STX18: variants seen among roughly 807,000 people sequenced by gnomAD.
The protein encoded by STX18 is syntaxin 18, also known as syntaxin-18.
STX18 carries 40 observed loss-of-function variants against 50.1 expected under a neutral mutation model. The observed-to-expected ratio is 0.80, with a 90% confidence interval of 0.62 to 1.04. The LOEUF is 1.04. Ranked by LOEUF, STX18 falls within the 50% of genes least tolerant of loss-of-function variation. STX18 has a pLI of 0.00. For synonymous variants in STX18, 158 were observed against 151.8 expected (o/e 1.04, Z -0.30); for missense variants, 410 against 415.8 (o/e 0.99, Z 0.12).
intron 9 of STX18, 85 bp downstream of exon 9, chr4:4,423,433 C>T: frequency 7.5e-7 from 1 of 1,324,540 alleles, no homozygotes; most frequent in East Asian, 2.3e-5. Context: ...TGTAGAGCAG[C>T]AGCCTTTGGG....
At chr4:4,539,567 T>C (rs1196742800) in intron 1 of STX18, among the ~76,000 whole-genome samples, 5 of 152,306 alleles carry the variant, frequency 3.3e-5, no homozygotes, top group Admixed American at 1.3e-4. Context: ...GGGGACAGTG[T>C]CCCTGAACAA....
At chr4:4,484,018 T>TCGC (rs1728583654) in intron 1 of STX18, among the ~76,000 whole-genome samples, 1 of 151,920 alleles carries the variant, frequency 6.6e-6, no homozygotes, top group Non-Finnish European at 1.5e-5. Flanking sequence ...CGTGCCACCA[T>TCGC]GCCCAGCTAA....
chr4:4,474,219 T>C (rs992979551), intron 1 of STX18, among the ~76,000 whole-genome samples: 1 of 152,178 alleles, frequency 6.6e-6, no homozygotes, highest in Non-Finnish European at 1.5e-5. Flanking sequence ...TGTGCATCTA[T>C]TTCAGCACCT....
chr4:4,420,684 G>T lies in STX18; in HGVS notation c.912+180C>A, dbSNP rs1724894211. 2 of 598,664 alleles carry T rather than the reference G, an allele frequency of 3.3e-6. No individual in the cohort carries two copies. 37.1% of individuals were successfully genotyped at this position (598,664 alleles called of 1,614,324 possible). On this transcript the variant is annotated intron_variant, in intron 10 of 10. Transcript: ENST00000306200. This position sits in a 1 kb window ranked among gnomAD's most constrained non-coding sequence, Gnocchi z 4.3. ...CACTGCCTCTCGAAAGCAGCTGGAG[G>T]TGGGCGACAGGTGGTGGGTCTCATG...
chr4:4,467,207 G>A (rs11732310), intron 2 of STX18, among the ~76,000 whole-genome samples: 41,281 of 152,018 alleles, frequency 0.27, 6,383 homozygotes, highest in African/African-American at 0.43. Context: ...TTCTAATCTC[G>A]TGGCTAATTT....
chr4:4,520,831 CAA>C (rs1461139255), intron 1 of STX18, among the ~76,000 whole-genome samples: 8 of 152,160 alleles, frequency 5.3e-5, no homozygotes, highest in Admixed American at 3.9e-4. Flanking sequence ...CCAGGTTAAT[CAA>C]AGACTCCTGC....
intron 9 of STX18, among the ~76,000 whole-genome samples, chr4:4,422,317 A>G (rs138311590): frequency 0.12 from 18,126 of 152,162 alleles, 1,290 homozygotes; most frequent in Non-Finnish European, 0.16. Flanking sequence ...CTGTAATCCC[A>G]GCACTTTGGG....
At chr4:4,421,013 A>G (rs1724926245) in intron 9 of STX18, 69 bp from the exon 10 acceptor site, 3 of 1,442,982 alleles carry the variant, frequency 2.1e-6, no homozygotes, top group Middle Eastern at 1.8e-4. Context: ...AAATGCTCCA[A>G]CGAGCATTTC....
chr4:4,496,718 T>A (rs1236799846), intron 1 of STX18, among the ~76,000 whole-genome samples: 1 of 152,202 alleles, frequency 6.6e-6, no homozygotes, highest in Non-Finnish European at 1.5e-5. Flanking sequence ...TTCTCTCTAA[T>A]CCTTTCTATG....
Position 4,527,851 on chromosome 4 carries a change from T to C in STX18, c.168+13946A>G, listed in dbSNP as rs377330922. Among the ~76,000 whole-genome samples the C allele has an allele frequency of 8.5e-3, 1,157 of 136,862 alleles. 3 individuals carry two copies. Among genetic ancestry groups the C allele is most frequent in the Middle Eastern group, 0.015 (4 of 274 alleles). The allele number at this position is 136,862 out of a possible 152,430, so 89.8% of individuals were successfully genotyped here. ...ATATATATATGTCTTTATATATATA[T>C]ACACACACACACACACATATATATA... On this transcript the variant is annotated intron_variant, in intron 1 of 10. Transcript: ENST00000306200.
At chr4:4,518,311 A>C (rs182989464) in intron 1 of STX18, among the ~76,000 whole-genome samples, 14 of 152,348 alleles carry the variant, frequency 9.2e-5, no homozygotes, top group African/African-American at 2.9e-4. Flanking sequence ...AATTATTAAC[A>C]ATGTTCGTCC....
chr4:4,423,454 C>T (rs1357990948), intron 9 of STX18, 64 bp downstream of exon 9: 8 of 1,513,536 alleles, frequency 5.3e-6, no homozygotes, highest in Admixed American at 1.7e-5. Flanking sequence ...AAAAATGTCT[C>T]GTGCTCTCAA....
intron 1 of STX18, among the ~76,000 whole-genome samples, chr4:4,491,497 A>T (rs1054379657): frequency 6.6e-6 from 1 of 152,170 alleles, no homozygotes; most frequent in African/African-American, 2.4e-5. Context: ...ATTTTACACT[A>T]CATTTATTAA....
chr4:4,534,400 G>A (rs1308833478), intron 1 of STX18, among the ~76,000 whole-genome samples: 1 of 152,164 alleles, frequency 6.6e-6, no homozygotes, highest in African/African-American at 2.4e-5. Flanking sequence ...CCAGAAAGCT[G>A]GAAATTATTC....
intron 1 of STX18, among the ~76,000 whole-genome samples, chr4:4,526,825 A>G (rs1190991222): frequency 6.6e-6 from 1 of 152,178 alleles, no homozygotes; most frequent in Non-Finnish European, 1.5e-5. Context: ...TGAAAAAATA[A>G]AAAAAGGCTT....
At chr4:4,541,639 C>T (rs1321302127) in intron 1 of STX18, among the ~76,000 whole-genome samples, 158 bp downstream of exon 1, 2 of 151,902 alleles carry the variant, frequency 1.3e-5, no homozygotes, top group Admixed American at 6.6e-5. Flanking sequence ...GTTCCTTCCC[C>T]CAAAAAGCTG....
intron 1 of STX18, among the ~76,000 whole-genome samples, chr4:4,533,732 G>A (rs1402513403): frequency 1.3e-5 from 2 of 152,158 alleles, no homozygotes; most frequent in Non-Finnish European, 1.5e-5. Context: ...CACTAAAAAC[G>A]TCACACTGAG....
rs1577303502 is a variant in STX18, at chr4:4,420,365, C to G, written c.913-236G>C. The G allele has an allele frequency of 1.9e-6, 1 of 513,578 alleles. No individual in the cohort carries two copies. The highest frequency in any genetic ancestry group is 1.9e-5 in the African/African-American group (1 of 51,898). 31.8% of individuals were successfully genotyped at this position (513,578 alleles called of 1,614,324 possible). A position where few individuals can be genotyped will look rare whatever the true frequency, so the allele number is the denominator to read the frequency against. On this transcript the variant is annotated intron_variant, in intron 10 of 10. Transcript: ENST00000306200. The surrounding 1 kb of genome is among the most constrained non-coding windows in gnomAD (Gnocchi z 4.3). Reference sequence around the variant, plus strand: ...TGCACAATTCTCCCTCAACACAACTCTCGGAATCACTCCCTTCTGTCCCAG... The same window carrying G: ...TGCACAATTCTCCCTCAACACAACTGTCGGAATCACTCCCTTCTGTCCCAG...
intron 1 of STX18, among the ~76,000 whole-genome samples, chr4:4,516,828 A>G (rs926549321): frequency 6.6e-6 from 1 of 152,246 alleles, no homozygotes; most frequent in Non-Finnish European, 1.5e-5. Context: ...TGCAGTAACA[A>G]TGATGTTGTT....
Sources: allele counts gnomAD v4.1 joint callset (sites outside exome capture counted in the v4.1 genomes callset), GRCh38; gene constraint gnomAD v4.1.1; non-coding constraint Gnocchi (gnomAD v3.1); transcripts MANE v1.5; gene names NCBI Gene and HGNC (gene_info 2026-07-23, HGNC 2026-07-21).